The following TMEM33 variants were observed in gnomAD, a reference collection of about 807,000 sequenced individuals.
TMEM33 encodes transmembrane protein 33.
In TMEM33, 16 loss-of-function variants were observed where a neutral mutation model predicts 29.7. That is an observed-to-expected ratio of 0.54 (90% confidence interval 0.36 to 0.82). The LOEUF is 0.82. TMEM33 is among the 40% of genes least tolerant of loss of function. The probability of loss-of-function intolerance (pLI) is 0.00; values close to 1 mark genes in which losing one functional copy is unlikely to be tolerated. For missense variants in TMEM33, 252 were observed against 295.3 expected (o/e 0.85, Z 1.08); for synonymous variants, 112 against 109.4 (o/e 1.02, Z -0.15).
intron 3 of TMEM33, among the ~76,000 whole-genome samples, chr4:41,942,536 A>T (rs1343314667): frequency 1.3e-5 from 2 of 152,184 alleles, no homozygotes; most frequent in Non-Finnish European, 1.5e-5. Flanking sequence ...GCCTTCAGTT[A>T]GTATAGAAAA....
At chr4:41,951,972 A>G (rs1309019632) in intron 6 of TMEM33, among the ~76,000 whole-genome samples, 1 of 152,234 alleles carries the variant, frequency 6.6e-6, no homozygotes, top group African/African-American at 2.4e-5. Flanking sequence ...GGGAACCCCC[A>G]TGATGAAATC....
intron 5 of TMEM33, among the ~76,000 whole-genome samples, chr4:41,948,502 C>G (rs1712892414): frequency 6.6e-6 from 1 of 151,640 alleles, no homozygotes; most frequent in South Asian, 2.1e-4. Context: ...GAAGAAAAGG[C>G]TAAAAAACCT....
rs1380789647 is a variant in TMEM33 at position 41,941,037 on chromosome 4, CT to C, written c.328+1657del. On this transcript the variant is annotated intron_variant, in intron 3 of 6. Coordinates refer to ENST00000504986, the MANE Select transcript of TMEM33 (RefSeq NM_018126.3). Reference sequence around the variant, plus strand: ...ACTTAAGTATACATTAAAAATATTTCTTTCTGTATGTGGGTAAACCTGGTAA... The same window carrying C: ...ACTTAAGTATACATTAAAAATATTTCTTCTGTATGTGGGTAAACCTGGTAA... Among the ~76,000 whole-genome samples the C allele has an allele frequency of 5.3e-5, 8 of 152,040 alleles. No individual in the cohort carries two copies. In the South Asian group the frequency reaches 1.2e-3, roughly 24 times the overall value.
At chr4:41,935,672 A>G (rs747256849) in intron 1 of TMEM33, 143 bp downstream of exon 1, 24 of 844,430 alleles carry the variant, frequency 2.8e-5, no homozygotes, top group Admixed American at 1.0e-4. Flanking sequence ...TGGAGCGGGG[A>G]GAGGGGAGGT....
At position 41,956,589 on chromosome 4, in the gene TMEM33, A is replaced by G. The variant is rs1379647438; in HGVS notation, c.*2390A>G. On this transcript the variant is annotated 3_prime_UTR_variant, in exon 7 of 7. Coordinates refer to ENST00000504986, the MANE Select transcript of TMEM33 (RefSeq NM_018126.3). ...ATTTTGAAAAGTACTGTTGGTCAAG[A>G]TAATTGGTCAATAATCCATGTTGGT... is the stretch of plus-strand genomic sequence containing the variant. The G allele has an allele frequency of 6.6e-6, 1 of 152,130 alleles. No individual in the cohort carries two copies. The highest frequency in any genetic ancestry group is 1.9e-4 in the East Asian group (1 of 5,182). The allele number at this position is 152,130 out of a possible 1,614,324, so 9.4% of individuals were successfully genotyped here.
At chr4:41,953,550 C>CT (rs1713134276) in intron 6 of TMEM33, among the ~76,000 whole-genome samples, 1 of 152,192 alleles carries the variant, frequency 6.6e-6, no homozygotes, top group East Asian at 1.9e-4. Context: ...TTTAGCCATG[C>CT]TTTTTTCACT....
intron 5 of TMEM33, among the ~76,000 whole-genome samples, chr4:41,945,614 A>G (rs1712750805): frequency 6.6e-6 from 1 of 152,234 alleles, no homozygotes; most frequent in South Asian, 2.1e-4. Context: ...AAATTTGTAG[A>G]ACATATATAT....
At position 41,956,854 on chromosome 4, in the gene TMEM33, C is replaced by T. The variant is rs1237472680; in HGVS notation, c.*2655C>T. The T allele has an allele frequency of 6.6e-6, 1 of 151,952 alleles. No homozygotes were observed. The highest frequency in any genetic ancestry group is 2.1e-4 in the South Asian group (1 of 4,826). 9.4% of individuals were successfully genotyped at this position (151,952 alleles called of 1,614,324 possible). The stretch of plus-strand genomic sequence containing the variant: ...TTACTAGATGTTTAGTTTGCATGAA[C>T]TCATAGTTAGAAATTCTGCAATAGG... On this transcript the variant is annotated 3_prime_UTR_variant, in exon 7 of 7. Transcript: ENST00000504986.
chr4:41,953,387 G>A (rs936363550), intron 6 of TMEM33, among the ~76,000 whole-genome samples: 5 of 152,312 alleles, frequency 3.3e-5, no homozygotes, highest in East Asian at 1.9e-4. Flanking sequence ...TGCTAAGTGC[G>A]CAATAGCATT....
At chr4:41,947,521 G>C (rs1420437850) in intron 5 of TMEM33, among the ~76,000 whole-genome samples, 1 of 152,072 alleles carries the variant, frequency 6.6e-6, no homozygotes, top group Non-Finnish European at 1.5e-5. Flanking sequence ...ACATTTATTT[G>C]TACAAACTTA....
At chr4:41,944,120 T>A in intron 4 of TMEM33, 1 of 312,162 alleles carries the variant, frequency 3.2e-6, no homozygotes, top group East Asian at 8.0e-5. Flanking sequence ...AGTTGTCAGA[T>A]CTCTTGTTCT....
rs200229780 is a variant in TMEM33 at position 41,954,228 on chromosome 4, G to C, written c.*29G>C. 1 of 1,607,740 alleles carries C rather than the reference G, an allele frequency of 6.2e-7. No homozygotes were observed. ...AACATCTAGTTAAGCTACAAATATA[G>C]TATAAGCATTATTAGCAGCTGGTAC... On this transcript the variant is annotated 3_prime_UTR_variant, in exon 7 of 7. Coordinates refer to ENST00000504986, the MANE Select transcript of TMEM33 (RefSeq NM_018126.3).
At chr4:41,949,144 T>C (rs908042241) in intron 5 of TMEM33, among the ~76,000 whole-genome samples, 158 bp from the exon 6 acceptor site, 1 of 152,154 alleles carries the variant, frequency 6.6e-6, no homozygotes, top group Admixed American at 6.5e-5. Flanking sequence ...TTTTATATCC[T>C]TTTTTAAGGA....
At chr4:41,935,632 A>T (rs1157428159) in intron 1 of TMEM33, 103 bp downstream of exon 1, 1 of 1,172,456 alleles carries the variant, frequency 8.5e-7, no homozygotes, top group East Asian at 2.6e-5. Context: ...TGCATTCAGG[A>T]ATGGGATTAA....
At chr4:41,953,964 C>G in intron 6 of TMEM33, 106 bp from the exon 7 acceptor site, 1 of 1,430,142 alleles carries the variant, frequency 7.0e-7, no homozygotes, top group Non-Finnish European at 9.6e-7. Context: ...TGCAACAAAC[C>G]TTCAATTTGT....
Position 41,957,787 on chromosome 4 carries a change from C to T in TMEM33, c.*3588C>T, listed in dbSNP as rs1293959190. On this transcript the variant is annotated 3_prime_UTR_variant, in exon 7 of 7. Transcript: ENST00000504986. ...CACACAAATTAGACTAATTTTGACA[C>T]TTTGAAATGAAAACTTCAAGGAAGA... 1 of 152,028 alleles carries T rather than the reference C, an allele frequency of 6.6e-6. No individual in the cohort carries two copies. The highest frequency in any genetic ancestry group is 1.5e-5 in the Non-Finnish European group (1 of 68,012). The allele number at this position is 152,028 out of a possible 1,614,324, so 9.4% of individuals were successfully genotyped here.
At chr4:41,946,964 C>T (rs1232920054) in intron 5 of TMEM33, among the ~76,000 whole-genome samples, 2 of 152,026 alleles carry the variant, frequency 1.3e-5, no homozygotes, top group African/African-American at 2.4e-5. Context: ...AGGCCGAGCA[C>T]GGTGGCTCAC....
Position 41,960,073 on chromosome 4 carries a change from G to T in TMEM33, c.*5874G>T, listed in dbSNP as rs891111612. 6.6e-6 allele frequency: 1 copy of T among 152,082 alleles called. No homozygotes were observed. The highest frequency in any genetic ancestry group is 2.4e-5 in the African/African-American group (1 of 41,398). 9.4% of individuals were successfully genotyped at this position (152,082 alleles called of 1,614,324 possible). On this transcript the variant is annotated 3_prime_UTR_variant, in exon 7 of 7. Transcript: ENST00000504986. ...ACCAAAGCACATAAATGCTAATGTAGGGCTCAGAGGGGAAATACAGTTCTC... is the reference window on the plus strand; with the variant it reads ...ACCAAAGCACATAAATGCTAATGTATGGCTCAGAGGGGAAATACAGTTCTC...
At chr4:41,937,860 G>A (rs1458615992) in intron 1 of TMEM33, among the ~76,000 whole-genome samples, 3 of 152,106 alleles carry the variant, frequency 2.0e-5, no homozygotes, top group African/African-American at 7.2e-5. Flanking sequence ...GGAAAAAAAT[G>A]GGGGAAGAAA....
Sources: allele counts gnomAD v4.1 joint callset (sites outside exome capture counted in the v4.1 genomes callset), GRCh38; gene constraint gnomAD v4.1.1; transcripts MANE v1.5; gene names NCBI Gene and HGNC (gene_info 2026-07-23, HGNC 2026-07-21).